LARGE1: variants seen among roughly 807,000 people sequenced by gnomAD.
LARGE1 encodes xylosyl- and glucuronyltransferase LARGE1.
Under a neutral mutation model 87.6 loss-of-function variants are expected in LARGE1, and 43 were observed. The observed-to-expected ratio is 0.49, with a 90% CI of 0.38 to 0.63. LARGE1 has a LOEUF of 0.63. LARGE1 is among the 30% of genes least tolerant of loss of function. LARGE1 has a pLI of 0.00. For missense variants in LARGE1, 802 were observed against 1,000.2 expected, an observed-to-expected ratio of 0.80 and a Z score of 2.67; for synonymous variants, 434 against 394.6, an observed-to-expected ratio of 1.10 and a Z score of -1.18.
intron 6 of LARGE1, among the ~76,000 whole-genome samples, chr22:33,551,899 C>G (rs895168575): frequency 6.9e-6 from 1 of 145,848 alleles, no homozygotes; most frequent in Non-Finnish European, 1.5e-5. Context: ...GAGGCTGAGG[C>G]AGGAGAATGG....
intron 6 of LARGE1, among the ~76,000 whole-genome samples, chr22:33,470,924 T>C (rs1003146694): frequency 6.6e-6 from 1 of 152,152 alleles, no homozygotes; most frequent in African/African-American, 2.4e-5. Context: ...TTCTGTCAAA[T>C]AGGGATATTA....
At chr22:33,193,873 T>C (rs1476007) in intron 11 of LARGE1, among the ~76,000 whole-genome samples, 83,211 of 147,144 alleles carry the variant, frequency 0.57, 23,871 homozygotes, top group Middle Eastern at 0.63. Context: ...TTATATATTA[T>C]ATATAATGTT....
intron 1 of LARGE1, among the ~76,000 whole-genome samples, chr22:33,774,503 C>T (rs578061005): frequency 1.3e-5 from 2 of 151,964 alleles, no homozygotes; most frequent in South Asian, 2.1e-4. Context: ...ATTACAGGCA[C>T]GTGCCACCAC....
At chr22:33,416,532 T>A (rs918430320) in intron 7 of LARGE1, among the ~76,000 whole-genome samples, 2 of 152,174 alleles carry the variant, frequency 1.3e-5, no homozygotes, top group African/African-American at 4.8e-5. Context: ...ATGTGGGTCA[T>A]CTAGTGTTTT....
intron 11 of LARGE1, among the ~76,000 whole-genome samples, chr22:33,224,281 G>GA (rs1925613361): frequency 6.7e-6 from 1 of 149,646 alleles, no homozygotes; most frequent in Non-Finnish European, 1.5e-5. Flanking sequence ...AAAAAGAAAA[G>GA]AAAAAAGAAA....
intron 1 of LARGE1, among the ~76,000 whole-genome samples, chr22:33,766,115 G>A (rs2084892627): frequency 1.3e-5 from 2 of 152,174 alleles, no homozygotes; most frequent in South Asian, 2.1e-4. Context: ...ACGGAAGGAA[G>A]AAACAGGAGG....
chr22:33,138,449 C>T, the LARGE1 span, among the ~76,000 whole-genome samples: 63,354 of 150,766 alleles, frequency 0.42, 13,717 homozygotes, highest in South Asian at 0.68. Flanking sequence ...TTTATTTTTT[C>T]ATTTTTTTTT....
At chr22:33,688,640 C>T (rs745487313) in intron 2 of LARGE1, among the ~76,000 whole-genome samples, 20 of 151,972 alleles carry the variant, frequency 1.3e-4, no homozygotes, top group Non-Finnish European at 7.4e-5. Context: ...TGTGAGCCAC[C>T]GCACCCGGCC....
intron 13 of LARGE1, among the ~76,000 whole-genome samples, chr22:33,281,645 T>C (rs1009291509): frequency 6.6e-6 from 1 of 152,106 alleles, no homozygotes; most frequent in Non-Finnish European, 1.5e-5. Flanking sequence ...CAATAAGTGG[T>C]AGTTATTTCT....
chr22:33,490,730 T>G (rs568278922), intron 6 of LARGE1, among the ~76,000 whole-genome samples: 2 of 152,300 alleles, frequency 1.3e-5, no homozygotes, highest in African/African-American at 4.8e-5. Context: ...AGTTACTGAC[T>G]CTTTACATCA....
intron 3 of LARGE1, among the ~76,000 whole-genome samples, chr22:33,641,683 G>A (rs902559553): frequency 6.6e-6 from 1 of 152,102 alleles, no homozygotes; most frequent in African/African-American, 2.4e-5. Flanking sequence ...TAGAGAAGAA[G>A]AACATCAATG....
At chr22:33,141,585 G>T in the LARGE1 span, among the ~76,000 whole-genome samples, 1 of 151,772 alleles carries the variant, frequency 6.6e-6, no homozygotes, top group African/African-American at 2.4e-5. Context: ...CTCATCCAAA[G>T]GACAATTTTT....
At chr22:33,467,713 G>C (rs1002301303) in intron 6 of LARGE1, among the ~76,000 whole-genome samples, 1 of 152,178 alleles carries the variant, frequency 6.6e-6, no homozygotes, top group East Asian at 1.9e-4. Context: ...AGACAGATGG[G>C]GAGTGACCCA....
At chr22:33,470,255 T>A (rs4821150) in intron 6 of LARGE1, among the ~76,000 whole-genome samples, 4 of 151,818 alleles carry the variant, frequency 2.6e-5, no homozygotes, top group African/African-American at 9.7e-5. Context: ...TGTAATTTAC[T>A]TATATCACAA....
chr22:33,116,922 G>A, the LARGE1 span, among the ~76,000 whole-genome samples: 1 of 152,204 alleles, frequency 6.6e-6, no homozygotes, highest in Non-Finnish European at 1.5e-5. Flanking sequence ...AAGGGGCAGA[G>A]GGAAATAAAT....
chr22:33,760,859 G>A (rs988729474), intron 2 of LARGE1, among the ~76,000 whole-genome samples: 5 of 152,154 alleles, frequency 3.3e-5, no homozygotes, highest in African/African-American at 9.7e-5. Flanking sequence ...GGCAGGGGTT[G>A]CAGTGAGCCA....
Position 33,702,361 on chromosome 22 carries a change from C to T in LARGE1, c.107-51693G>A, listed in dbSNP as rs189078030. ...GGCCCAGCCAAAAGCCAGAATCTAGCCCCCAGTAGGGACATTATTTAGATA... is the reference window on the plus strand; with the variant it reads ...GGCCCAGCCAAAAGCCAGAATCTAGTCCCCAGTAGGGACATTATTTAGATA... On this transcript the variant is annotated intron_variant, in intron 2 of 14. Coordinates refer to ENST00000397394, the MANE Select transcript of LARGE1 (RefSeq NM_133642.5). 4.1e-3 allele frequency among the ~76,000 whole-genome samples: 632 copies of T among 152,304 alleles called. 5 individuals carry two copies. Among genetic ancestry groups the T allele is most frequent in the Middle Eastern group, 0.014 (4 of 294 alleles).
chr22:33,736,044 T>C (rs544052491), intron 2 of LARGE1, among the ~76,000 whole-genome samples: 1 of 152,372 alleles, frequency 6.6e-6, no homozygotes, highest in African/African-American at 2.4e-5. Context: ...TATTAACTGA[T>C]AGACATTCAG....
intron 2 of LARGE1, among the ~76,000 whole-genome samples, chr22:33,664,407 G>T (rs1242588126): frequency 6.6e-6 from 1 of 152,180 alleles, no homozygotes; most frequent in South Asian, 2.1e-4. Flanking sequence ...GTATTGCAAT[G>T]TTGGTTTGAT....
Sources: gnomAD v4.1 joint callset for allele counts (sites outside exome capture counted in the v4.1 genomes callset) on GRCh38, gnomAD v4.1.1 for gene constraint, MANE v1.5 for transcripts, NCBI Gene and HGNC (gene_info 2026-07-23, HGNC 2026-07-21) for gene names.